Variants in NAF1 observed in about 807,000 individuals in gnomAD.
NAF1 encodes nuclear assembly factor 1 ribonucleoprotein, also known as H/ACA ribonucleoprotein complex non-core subunit NAF1.
Under a neutral mutation model 40.6 loss-of-function variants are expected in NAF1, and 11 were observed. That is an observed-to-expected ratio of 0.27 (90% CI 0.17 to 0.45). NAF1 has a LOEUF of 0.45. Among genes scored for constraint, NAF1 ranks in the 20% least tolerant of loss-of-function variants. The pLI is 1.00. For missense variants in NAF1, 607 were observed against 611.1 expected (o/e 0.99, Z 0.07); for synonymous variants, 260 against 228.5 (o/e 1.14, Z -1.24).
chr4:163,153,621 G>A (rs974527252), intron 2 of NAF1, among the ~76,000 whole-genome samples: 17 of 152,148 alleles, frequency 1.1e-4, no homozygotes, highest in African/African-American at 3.6e-4. Flanking sequence ...TGGAGAACTG[G>A]TGTGTCAAAA....
chr4:163,121,092 T>C (rs1560779085), intron 2 of NAF1, among the ~76,000 whole-genome samples: 1 of 152,148 alleles, frequency 6.6e-6, no homozygotes, highest in Non-Finnish European at 1.5e-5. Context: ...GATTTCACCA[T>C]GTTGGCCAGG....
chr4:163,110,309 A>G (rs1331519110), intron 2 of NAF1: 1 of 699,830 alleles, frequency 1.4e-6, no homozygotes, highest in East Asian at 2.7e-5. Flanking sequence ...AGGTGAGGTA[A>G]AATCAGATAT....
At chr4:163,122,073 T>C (rs779236701), downstream of NAF1, among the ~76,000 whole-genome samples, 5 of 152,196 alleles carry the variant, frequency 3.3e-5, no homozygotes, top group Non-Finnish European at 5.9e-5. Flanking sequence ...AACATTATCG[T>C]TGAAAGAAAA....
Position 163,166,810 on chromosome 4 carries a change from C to T in NAF1, c.-83G>A. On this transcript the variant is annotated 5_prime_UTR_variant, in exon 1 of 8. Coordinates refer to ENST00000274054, the MANE Select transcript of NAF1 (RefSeq NM_138386.3). Reference sequence around the variant, plus strand: ...GCTCTCTCCAGAAATAGAAAAACAACTTAGGCAACCGCAGCAACACTGCCT... The same window carrying T: ...GCTCTCTCCAGAAATAGAAAAACAATTTAGGCAACCGCAGCAACACTGCCT... The T allele has an allele frequency of 5.2e-6, 8 of 1,532,144 alleles. No individual in the cohort carries two copies. The highest frequency in any genetic ancestry group is 7.0e-6 in the Non-Finnish European group (8 of 1,141,244). The allele number at this position is 1,532,144 out of a possible 1,614,324, so 94.9% of individuals were successfully genotyped here. A position where few individuals can be genotyped will look rare whatever the true frequency, so the allele number is the denominator to read the frequency against.
At chr4:163,143,926 G>A in intron 4 of NAF1, 1 of 637,862 alleles carries the variant, frequency 1.6e-6, no homozygotes, top group Non-Finnish European at 1.9e-6. Flanking sequence ...TATTAGTTAG[G>A]CAAACTGATC....
intron 7 of NAF1, 26 bp downstream of exon 7, chr4:163,133,128 C>T (rs372573117): frequency 2.3e-5 from 35 of 1,518,044 alleles, no homozygotes; most frequent in South Asian, 9.1e-5. Flanking sequence ...AGATAAAGAA[C>T]GAGTATATAT....
intron 5 of NAF1, 108 bp from the exon 6 acceptor site, chr4:163,137,358 T>C: frequency 1.7e-6 from 2 of 1,204,288 alleles, no homozygotes; most frequent in Non-Finnish European, 2.3e-6. Context: ...GAGTTCAACC[T>C]TTAATTTTGC....
rs764394009 is a variant in NAF1, at chr4:163,164,379, T to G, written c.378A>C (p.Ser126=). 3.2e-6 allele frequency: 5 copies of G among 1,569,950 alleles called. No individual in the cohort carries two copies. Among genetic ancestry groups the G allele is most frequent in the Non-Finnish European group, 4.3e-6 (5 of 1,159,610 alleles). ...SDSDSDSETD[S]DSSSSSSSSS... ...AGGAAGACGATGAACTTGAACTATC[T>G]GAATCTGTTTCACTGTAGGGAAGAA... The change falls in exon 2 of 8, where the codon TCA becomes TCC. Residue 126 remains serine (S), a synonymous_variant. Coordinates refer to ENST00000274054, the MANE Select transcript of NAF1 (RefSeq NM_138386.3).
At chr4:163,148,496 A>T (rs1052879626) in intron 2 of NAF1, 62 bp from the exon 3 acceptor site, 16 of 1,187,226 alleles carry the variant, frequency 1.3e-5, no homozygotes, top group Middle Eastern at 2.0e-4. Flanking sequence ...TAAAAAAAAT[A>T]AATTTTCCAT....
intron 4 of NAF1, among the ~76,000 whole-genome samples, chr4:163,140,790 T>C (rs1202117857): frequency 6.6e-6 from 1 of 152,222 alleles, no homozygotes; most frequent in Non-Finnish European, 1.5e-5. Flanking sequence ...AGATGGGAAA[T>C]ATAAAAGCAA....
chr4:163,119,984 AAAACC>A (rs1560778455), intron 2 of NAF1: 2 of 152,234 alleles, frequency 1.3e-5, no homozygotes, highest in Non-Finnish European at 2.9e-5. Flanking sequence ...ATCAAAAACA[AAAACC>A]AAACTGATGT....
At chr4:163,154,913 AGAG>A (rs1731914424) in intron 2 of NAF1, among the ~76,000 whole-genome samples, 1 of 151,594 alleles carries the variant, frequency 6.6e-6, no homozygotes, top group Non-Finnish European at 1.5e-5. Flanking sequence ...ACAGAGCGAG[AGAG>A]GAGAACAAAG....
intron 4 of NAF1, among the ~76,000 whole-genome samples, chr4:163,144,283 C>T (rs950204157): frequency 3.3e-5 from 5 of 152,098 alleles, no homozygotes; most frequent in Non-Finnish European, 5.9e-5. Context: ...GTAAACTCAT[C>T]CATTTCAGCT....
chr4:163,104,006 G>A, the NAF1 span, among the ~76,000 whole-genome samples: 3 of 152,176 alleles, frequency 2.0e-5, no homozygotes, highest in South Asian at 6.2e-4. Context: ...AGGGAGATAG[G>A]GGTGGGGCTG....
downstream of NAF1, among the ~76,000 whole-genome samples, chr4:163,107,215 G>A (rs573691449): frequency 2.6e-5 from 4 of 152,336 alleles, no homozygotes; most frequent in African/African-American, 7.2e-5. Flanking sequence ...TTAAGCTCTG[G>A]ACTTCAAGTG....
At position 163,166,824 on chromosome 4, in the gene NAF1, G is replaced by A. The variant is rs1307828075; in HGVS notation, c.-97C>T. On this transcript the variant is annotated 5_prime_UTR_variant, in exon 1 of 8. Transcript: ENST00000274054. ...TAGAAAAACAACTTAGGCAACCGCA[G>A]CAACACTGCCTGGGCCCAACTTCCC... 1.0e-5 allele frequency: 15 copies of A among 1,492,936 alleles called. No homozygotes were observed. The highest frequency in any genetic ancestry group is 1.3e-5 in the Non-Finnish European group (15 of 1,116,366). The allele number at this position is 1,492,936 out of a possible 1,614,324, so 92.5% of individuals were successfully genotyped here. A position where few individuals can be genotyped will look rare whatever the true frequency, so the allele number is the denominator to read the frequency against.
intron 2 of NAF1, among the ~76,000 whole-genome samples, chr4:163,113,607 CTG>C (rs74353715): frequency 6.6e-6 from 1 of 151,740 alleles, no homozygotes; most frequent in Non-Finnish European, 1.5e-5. Context: ...AGATATTTCT[CTG>C]TGTCTGTGTT....
chr4:163,108,433 G>A (rs889870261), downstream of NAF1, among the ~76,000 whole-genome samples: 5 of 152,144 alleles, frequency 3.3e-5, no homozygotes, highest in African/African-American at 1.2e-4. Flanking sequence ...GACACCTGGA[G>A]AACATCTCTT....
Position 163,164,225 on chromosome 4 carries a change from G to A in NAF1, c.532C>T (p.Leu178Phe), listed in dbSNP as rs562985037. The A allele has an allele frequency of 1.2e-5, 18 of 1,541,974 alleles. No individual in the cohort carries two copies. The African/African-American group carries it at 2.1e-4, about 18-fold the overall frequency. Reference sequence around the variant, plus strand: ...TAAATCTAAGTACTTACATTAAGAAGTAATTCATCTTTTGTTTTAAGAGGA... The same window carrying A: ...TAAATCTAAGTACTTACATTAAGAAATAATTCATCTTTTGTTTTAAGAGGA... Reference protein sequence around the residue: ...NFPLKTKDELLLNELPSVEEL... With the variant: ...NFPLKTKDELFLNELPSVEEL... Residue 178 changes from leucine (L) to phenylalanine (F), a missense_variant, in exon 2 of 8, where the codon CTT becomes TTT. Physicochemically the swap from Leu to Phe is conservative, Grantham distance 22 (BLOSUM62 0). Coordinates refer to ENST00000274054, the MANE Select transcript of NAF1 (RefSeq NM_138386.3).
Sources: allele counts gnomAD v4.1 joint callset (sites outside exome capture counted in the v4.1 genomes callset), GRCh38; gene constraint gnomAD v4.1.1; transcripts MANE v1.5; gene names NCBI Gene and HGNC (gene_info 2026-07-23, HGNC 2026-07-21).